Variants in CSMD1 observed in about 807,000 individuals in gnomAD.
CSMD1 encodes the protein CUB and sushi domain-containing protein 1.
Under a neutral mutation model 417.5 loss-of-function variants are expected in CSMD1, and 213 were observed. The ratio of observed to expected loss-of-function variants is 0.51; its 90% confidence interval spans 0.46 to 0.57. CSMD1 has a LOEUF of 0.57. Ranked by LOEUF, CSMD1 falls within the 20% of genes least tolerant of loss-of-function variation. The pLI is 0.00. For missense variants in CSMD1, 6,923 were observed against 4,529.7 expected (o/e 1.53, Z -15.17); for synonymous variants, 2,862 against 1,736.8 (o/e 1.65, Z -16.11).
intron 1 of CSMD1, among the ~76,000 whole-genome samples, chr8:4,644,655 C>T (rs1411052544): frequency 2.0e-5 from 3 of 152,216 alleles, no homozygotes; most frequent in Non-Finnish European, 2.9e-5. Flanking sequence ...GTGATGGCCT[C>T]GCCTCAGCCT....
intron 8 of CSMD1, among the ~76,000 whole-genome samples, chr8:3,597,275 A>G (rs545200576): frequency 2.0e-5 from 3 of 152,116 alleles, no homozygotes; most frequent in African/African-American, 2.4e-5. Flanking sequence ...GAGACAGAGC[A>G]TCTCCCTGGG....
chr8:4,252,653 A>C (rs1395174148), intron 3 of CSMD1, among the ~76,000 whole-genome samples: 1 of 152,242 alleles, frequency 6.6e-6, no homozygotes, highest in African/African-American at 2.4e-5. Flanking sequence ...CCAGTTTAAA[A>C]ATGGAACAGG....
At chr8:3,636,747 C>T (rs1400308365) in intron 7 of CSMD1, among the ~76,000 whole-genome samples, 2 of 152,316 alleles carry the variant, frequency 1.3e-5, no homozygotes, top group African/African-American at 4.8e-5. Context: ...GCGAGGATGG[C>T]AGGGAGTAAG....
intron 6 of CSMD1, among the ~76,000 whole-genome samples, chr8:3,709,040 C>G (rs1265816331): frequency 6.6e-6 from 1 of 152,180 alleles, no homozygotes; most frequent in African/African-American, 2.4e-5. Context: ...CCTCCAGACG[C>G]TTTCCAGGCT....
chr8:3,309,703 C>G (rs1805178884), intron 23 of CSMD1, among the ~76,000 whole-genome samples: 1 of 151,940 alleles, frequency 6.6e-6, no homozygotes. Context: ...TTTCTTTTCT[C>G]AAAAAGAAAT....
At chr8:4,974,145 T>A (rs1810408279) in intron 1 of CSMD1, among the ~76,000 whole-genome samples, 1 of 151,900 alleles carries the variant, frequency 6.6e-6, no homozygotes, top group South Asian at 2.1e-4. Flanking sequence ...GCCTCCCGAG[T>A]AGCTGAGATT....
intron 39 of CSMD1, among the ~76,000 whole-genome samples, chr8:3,151,983 G>A (rs1819223173): frequency 6.6e-6 from 1 of 152,172 alleles, no homozygotes; most frequent in South Asian, 2.1e-4. Flanking sequence ...AAGAAACCAA[G>A]CCTGGAAGAG....
At chr8:4,450,954 G>T (rs1255097681) in intron 2 of CSMD1, among the ~76,000 whole-genome samples, 3 of 151,992 alleles carry the variant, frequency 2.0e-5, no homozygotes, top group African/African-American at 7.3e-5. Context: ...ATACAACTAA[G>T]ATCTACAGTA....
chr8:4,840,697 G>C (rs1449488443), intron 1 of CSMD1, among the ~76,000 whole-genome samples: 1 of 152,190 alleles, frequency 6.6e-6, no homozygotes, highest in Non-Finnish European at 1.5e-5. Context: ...GTGCCTGCAA[G>C]AGACAACTTT....
intron 8 of CSMD1, among the ~76,000 whole-genome samples, chr8:3,604,951 C>T (rs917736362): frequency 2.0e-5 from 3 of 152,108 alleles, no homozygotes; most frequent in African/African-American, 7.2e-5. Flanking sequence ...CCTTTGGTTT[C>T]CCTCATTTCT....
intron 2 of CSMD1, among the ~76,000 whole-genome samples, chr8:4,466,089 T>C (rs935802615): frequency 2.0e-5 from 3 of 152,206 alleles, no homozygotes; most frequent in Non-Finnish European, 4.4e-5. Flanking sequence ...AGAGATTAAA[T>C]ATCATGACAC....
intron 49 of CSMD1, among the ~76,000 whole-genome samples, chr8:3,065,072 T>C (rs184090954): frequency 6.6e-6 from 1 of 151,938 alleles, no homozygotes; most frequent in Non-Finnish European, 1.5e-5. Context: ...AACAAACAGA[T>C]GTACCTGGAC....
At chr8:4,692,175 G>A (rs1438888086) in intron 1 of CSMD1, among the ~76,000 whole-genome samples, 1 of 152,092 alleles carries the variant, frequency 6.6e-6, no homozygotes, top group Non-Finnish European at 1.5e-5. Flanking sequence ...GAAACCAGCA[G>A]CCCCTGGCCT....
At chr8:4,078,004 G>GA (rs1377374764) in intron 3 of CSMD1, among the ~76,000 whole-genome samples, 11 of 151,962 alleles carry the variant, frequency 7.2e-5, no homozygotes, top group East Asian at 1.9e-4. Flanking sequence ...CTCTCAGTTG[G>GA]AAAAAAATAG....
intron 1 of CSMD1, among the ~76,000 whole-genome samples, chr8:4,944,258 G>A (rs1356820489): frequency 2.6e-5 from 4 of 152,170 alleles, no homozygotes; most frequent in Non-Finnish European, 2.9e-5. Context: ...CCTCAACAGA[G>A]CTCTGAGGAT....
intron 2 of CSMD1, among the ~76,000 whole-genome samples, chr8:4,613,680 C>G (rs888432203): frequency 6.6e-6 from 1 of 151,992 alleles, no homozygotes; most frequent in African/African-American, 2.4e-5. Context: ...TGTCAATTTT[C>G]CATCAAATGG....
At chr8:3,294,289 C>T (rs570711864) in intron 25 of CSMD1, among the ~76,000 whole-genome samples, 2 of 152,142 alleles carry the variant, frequency 1.3e-5, no homozygotes, top group African/African-American at 4.8e-5. Context: ...CTTGAGGAGG[C>T]AGTCTGTCTG....
chr8:3,060,641 A>C (rs1393615189), intron 49 of CSMD1, among the ~76,000 whole-genome samples: 2 of 152,162 alleles, frequency 1.3e-5, no homozygotes, highest in African/African-American at 2.4e-5. Flanking sequence ...TTCTCCATCA[A>C]CTTGTGCTAT....
At chr8:4,006,320 G>C (rs999447275) in intron 4 of CSMD1, among the ~76,000 whole-genome samples, 8 of 152,154 alleles carry the variant, frequency 5.3e-5, no homozygotes, top group African/African-American at 1.9e-4. Flanking sequence ...GAGATGGATG[G>C]ATCACCTGAG....
Sources: allele counts gnomAD v4.1 joint callset (sites outside exome capture counted in the v4.1 genomes callset), GRCh38; gene constraint gnomAD v4.1.1; transcripts MANE v1.5; gene names NCBI Gene and HGNC (gene_info 2026-07-23, HGNC 2026-07-21).